The following MRI1 variants were observed in gnomAD, a reference collection of about 807,000 sequenced individuals.
MRI1 encodes methylthioribose-1-phosphate isomerase 1.
MRI1 carries 32 observed loss-of-function variants against 27.3 expected under a neutral mutation model. That is an observed-to-expected ratio of 1.17 (90% CI 0.88 to 1.57). MRI1 has a LOEUF of 1.57. Among genes scored for constraint, MRI1 ranks in the 40% most tolerant of loss-of-function variants. The pLI is 0.00. For synonymous variants in MRI1, 216 were observed against 227.4 expected (o/e 0.95, Z 0.45); for missense variants, 508 against 516.1 (o/e 0.98, Z 0.15).
Position 13,768,821 on chromosome 19 carries a change from C to A in MRI1, c.725-3C>A. 1 of 1,601,960 alleles carries A rather than the reference C, an allele frequency of 6.2e-7. No homozygotes were observed. On this transcript the variant is annotated splice_region_variant and splice_polypyrimidine_tract_variant and intron_variant, in intron 4 of 5. Coordinates refer to ENST00000040663, the MANE Select transcript of MRI1 (RefSeq NM_001031727.4). ...CCCAACTTCTCATACGCCCCCTCCC[C>A]AGCTGTGGTCGTGGGAGCTGACCGC...
intron 2 of MRI1, 49 bp downstream of exon 2, chr19:13,765,158 C>G (rs1180292547): frequency 2.1e-6 from 3 of 1,407,672 alleles, no homozygotes; most frequent in South Asian, 2.8e-5. Context: ...ATTATATTGA[C>G]TCTTTTTAAG....
At chr19:13,767,931 C>T (rs1183963088) in intron 3 of MRI1, among the ~76,000 whole-genome samples, 3 of 135,694 alleles carry the variant, frequency 2.2e-5, no homozygotes, top group Non-Finnish European at 4.6e-5. Flanking sequence ...TGCAGTGGCG[C>T]AGTCTCGGCT....
intron 3 of MRI1, among the ~76,000 whole-genome samples, chr19:13,767,188 A>G (rs1974156313): frequency 6.6e-6 from 1 of 151,002 alleles, no homozygotes; most frequent in Non-Finnish European, 1.5e-5. Flanking sequence ...CTGGGATTAT[A>G]GGCGTGAGCC....
chr19:13,768,070 G>A lies in MRI1; in HGVS notation c.548-491G>A, dbSNP rs144423030. ...CTTTTAGTAGAGATGGGGTTTCACC[G>A]TGTTAGCCAGGATGGTCTCGATCTC... On this transcript the variant is annotated intron_variant, in intron 3 of 5. Coordinates refer to ENST00000040663, the MANE Select transcript of MRI1 (RefSeq NM_001031727.4). 4.4e-3 allele frequency among the ~76,000 whole-genome samples: 673 copies of A among 151,678 alleles called. 2 individuals carry two copies. Among genetic ancestry groups the A allele is most frequent in the African/African-American group, 0.016 (641 of 41,352 alleles).
In MRI1 at chr19:13,767,436, G is replaced by A. The variant is rs530165146; in HGVS notation, c.548-1125G>A. Among the ~76,000 whole-genome samples, 4 of 152,118 alleles carry A rather than the reference G, an allele frequency of 2.6e-5. No homozygotes were observed. The South Asian group carries it at 6.2e-4, about 24-fold the overall frequency. ...AAATTGTTGTTACTGGCTAGGTGTA[G>A]TGGCGGTGCAGGCCTGTAATCAGGA... On this transcript the variant is annotated intron_variant, in intron 3 of 5. Transcript: ENST00000040663.
At position 13,765,849 on chromosome 19, in the gene MRI1, G is replaced by A. The variant is rs544849110; in HGVS notation, c.372-105G>A. The A allele has an allele frequency of 2.5e-3, 3,306 of 1,301,322 alleles. 8 individuals carry two copies. The highest frequency in any genetic ancestry group is 2.9e-3 in the Non-Finnish European group (2,711 of 943,322). 80.6% of individuals were successfully genotyped at this position (1,301,322 alleles called of 1,614,324 possible). ...GGTCCAGGCCCCACAGCAATGAGAGGCTTTGAGCAGGAGGGCTCCAGGACA... is the reference window on the plus strand; with the variant it reads ...GGTCCAGGCCCCACAGCAATGAGAGACTTTGAGCAGGAGGGCTCCAGGACA... On this transcript the variant is annotated intron_variant, in intron 2 of 5. Coordinates refer to ENST00000040663, the MANE Select transcript of MRI1 (RefSeq NM_001031727.4).
rs1322930454 is a variant in MRI1 at position 13,772,372 on chromosome 19, C to T, written c.*91C>T. 9 of 1,297,440 alleles carry T rather than the reference C, an allele frequency of 6.9e-6. No individual in the cohort carries two copies. The highest frequency in any genetic ancestry group is 9.5e-6 in the Non-Finnish European group (9 of 942,912). The allele number at this position is 1,297,440 out of a possible 1,614,324, so 80.4% of individuals were successfully genotyped here. A position where few individuals can be genotyped will look rare whatever the true frequency, so the allele number is the denominator to read the frequency against. ...AAGCTGACCGTCCAGCCCCTGACCA[C>T]ACTTGTTCCTAGTGCAGGGAGCTCA... On this transcript the variant is annotated 3_prime_UTR_variant, in exon 6 of 6. Transcript: ENST00000040663.
At chr19:13,771,724 T>C (rs1170864601) in intron 5 of MRI1, among the ~76,000 whole-genome samples, 2 of 151,358 alleles carry the variant, frequency 1.3e-5, no homozygotes, top group Non-Finnish European at 1.5e-5. Context: ...GGCATGGTGG[T>C]GCATGCCTGT....
chr19:13,772,335 A>AT lies in MRI1; in HGVS notation c.*55dup. ...CTAGGTTTTTCAATACATTTCTTGA[A>AT]TGGCTACCCAAAAGCTGACCGTCCA... is the stretch of plus-strand genomic sequence containing the variant. On this transcript the variant is annotated 3_prime_UTR_variant, in exon 6 of 6. Coordinates refer to ENST00000040663, the MANE Select transcript of MRI1 (RefSeq NM_001031727.4). 1 of 1,549,976 alleles carries AT rather than the reference A, an allele frequency of 6.5e-7. No individual in the cohort carries two copies. The highest frequency in any genetic ancestry group is 8.8e-7 in the Non-Finnish European group (1 of 1,138,562).
chr19:13,768,742 G>GC lies in MRI1; in HGVS notation c.724+6dup. On this transcript the variant is annotated splice_donor_region_variant and intron_variant, in intron 4 of 5. Transcript: ENST00000040663. ...TGGCCCATAGGGGCGTGTCAGGTAA[G>GC]CAGACGGTAAGCCCTGGGGGCGGGG... is the stretch of plus-strand genomic sequence containing the variant. The GC allele has an allele frequency of 6.2e-7, 1 of 1,611,156 alleles. No homozygotes were observed. The highest frequency in any genetic ancestry group is 8.5e-7 in the Non-Finnish European group (1 of 1,178,242).
chr19:13,769,280 C>T (rs1418585906), intron 5 of MRI1, among the ~76,000 whole-genome samples: 3 of 152,228 alleles, frequency 2.0e-5, no homozygotes, highest in African/African-American at 7.2e-5. Flanking sequence ...TCTCCTGCCT[C>T]AGCCCCCCAA....
At chr19:13,765,159 TC>T (rs1974094364) in intron 2 of MRI1, 50 bp downstream of exon 2, 1 of 1,389,198 alleles carries the variant, frequency 7.2e-7, no homozygotes, top group Non-Finnish European at 9.6e-7. Flanking sequence ...TTATATTGAC[TC>T]TTTTTAAGTA....
chr19:13,764,562 A>G lies in MRI1; in HGVS notation c.-27A>G, dbSNP rs771299711. The stretch of plus-strand genomic sequence containing the variant: ...GCGCGCGGACCCCTAGCTCCCTCTG[A>G]GTTGCGCTGGGCTTGGCTGCTGCAC... On this transcript the variant is annotated 5_prime_UTR_variant, in exon 1 of 6. Transcript: ENST00000040663. 2.5e-6 allele frequency: 4 copies of G among 1,601,862 alleles called. No individual in the cohort carries two copies. The African/African-American group carries it at 4.0e-5, about 16-fold the overall frequency.
At chr19:13,767,327 G>A (rs1206052522) in intron 3 of MRI1, among the ~76,000 whole-genome samples, 4 of 151,910 alleles carry the variant, frequency 2.6e-5, no homozygotes, top group African/African-American at 7.2e-5. Context: ...GATTACAGAC[G>A]TAAGCCACAG....
chr19:13,767,249 A>G (rs346150), intron 3 of MRI1, among the ~76,000 whole-genome samples: 86,482 of 150,772 alleles, frequency 0.57, 26,927 homozygotes, highest in African/African-American at 0.83. Flanking sequence ...GTTTCACGAC[A>G]TTGGCCAGGC....
intron 5 of MRI1, among the ~76,000 whole-genome samples, chr19:13,771,471 C>T (rs1265638867): frequency 6.6e-6 from 1 of 152,116 alleles, no homozygotes; most frequent in Non-Finnish European, 1.5e-5. Flanking sequence ...GCAGAGGTTA[C>T]ACTGAGCCAA....
chr19:13,765,457 C>T (rs1974101208), intron 2 of MRI1, among the ~76,000 whole-genome samples: 1 of 152,112 alleles, frequency 6.6e-6, no homozygotes, highest in African/African-American at 2.4e-5. Context: ...CTGTCCTGGT[C>T]CCCTTCCTGC....
At chr19:13,767,037 ATTTTTTTTTT>A (rs1161584156) in intron 3 of MRI1, among the ~76,000 whole-genome samples, 2 of 21,140 alleles carry the variant, frequency 9.5e-5, no homozygotes, top group Non-Finnish European at 1.7e-4. Flanking sequence ...ATATATATAT[ATTTTTTTTTT>A]TTTTTTTTTT....
chr19:13,765,619 G>C, intron 2 of MRI1, among the ~76,000 whole-genome samples: 1 of 152,090 alleles, frequency 6.6e-6, no homozygotes, highest in Non-Finnish European at 1.5e-5. Flanking sequence ...ATATGATCCA[G>C]CTCACCCGCT....
Sources: allele counts gnomAD v4.1 joint callset (sites outside exome capture counted in the v4.1 genomes callset), GRCh38; gene constraint gnomAD v4.1.1; transcripts MANE v1.5; gene names NCBI Gene and HGNC (gene_info 2026-07-23, HGNC 2026-07-21).